The following LRP12 variants were observed in gnomAD, a reference collection of about 807,000 sequenced individuals.
The protein encoded by LRP12 is LDL receptor related protein 12, also known as low-density lipoprotein receptor-related protein 12.
A neutral mutation model predicts 66.0 loss-of-function variants in LRP12; 14 were observed. The ratio of observed to expected loss-of-function variants is 0.21; its 90% CI spans 0.14 to 0.33. The LOEUF is 0.33. LRP12 is among the 10% of genes least tolerant of loss of function. The pLI is 1.00. For synonymous variants in LRP12, 357 were observed against 359.1 expected (o/e 0.99, Z 0.07); for missense variants, 889 against 1,053.4 (o/e 0.84, Z 2.16).
intron 2 of LRP12, among the ~76,000 whole-genome samples, chr8:104,520,773 A>G (rs1811135593): frequency 6.6e-6 from 1 of 152,106 alleles, no homozygotes; most frequent in South Asian, 2.1e-4. Flanking sequence ...TTTGCACAAC[A>G]GTTTCACAGT....
chr8:104,558,383 T>C (rs528525545), intron 1 of LRP12, among the ~76,000 whole-genome samples: 76 of 152,288 alleles, frequency 5.0e-4, no homozygotes, highest in Admixed American at 1.8e-3. Flanking sequence ...CAAATGATGC[T>C]GGGATAATTG....
At chr8:104,548,277 T>C (rs1345903548) in intron 1 of LRP12, among the ~76,000 whole-genome samples, 5 of 90,848 alleles carry the variant, frequency 5.5e-5, no homozygotes, top group Non-Finnish European at 1.8e-5. Context: ...ATATATATTA[T>C]ATTAATATAT....
At chr8:104,495,934 A>C (rs1346792302) in intron 5 of LRP12, 3 of 145,284 alleles carry the variant, frequency 2.1e-5, no homozygotes, top group Admixed American at 6.9e-5. Flanking sequence ...ACAAACAACA[A>C]AAAAAAAAAA....
intron 1 of LRP12, among the ~76,000 whole-genome samples, chr8:104,588,545 G>A (rs1406745175): frequency 6.6e-6 from 1 of 152,140 alleles, no homozygotes; most frequent in African/African-American, 2.4e-5. Context: ...AGGTCGGGAA[G>A]TCCGCCCGCC....
chr8:104,531,783 T>A lies in LRP12; in HGVS notation c.136+124A>T, dbSNP rs910345658. 6.0e-6 allele frequency: 4 copies of A among 667,570 alleles called. No individual in the cohort carries two copies. The African/African-American group carries it at 7.5e-5, about 13-fold the overall frequency. The allele number at this position is 667,570 out of a possible 1,614,324, so 41.4% of individuals were successfully genotyped here. ...ATGTTCCAGTTACTTCATTCCTTAT[T>A]ACATGCTGCAAAAAGCAGTAATAAT... On this transcript the variant is annotated intron_variant, in intron 2 of 6. Transcript: ENST00000276654.
Position 104,497,392 on chromosome 8 carries a change from C to T in LRP12, c.1160G>A (p.Gly387Glu), listed in dbSNP as rs755408347. ...ACAACGCTGCTGCTCAGTATAACAC[C>T]CCCAGTTACCTCCACAGGGTATTTC... The part of the protein sequence containing the change: ...PWEIPCGGNW[G>E]CYTEQQRCDG... Residue 387 changes from glycine (G) to glutamate (E), a missense_variant, in exon 5 of 7, where the codon GGG (glycine) becomes GAG (glutamate). Around this residue, in one of 3 missense-constraint regions of LRP12, gnomAD observed 800 missense variants for 964.5 expected, o/e 0.83. Transcript: ENST00000276654. This position sits in a 1 kb window ranked among gnomAD's most constrained non-coding sequence, Gnocchi z 4.3. The T allele has an allele frequency of 1.9e-6, 3 of 1,613,896 alleles. No homozygotes were observed. Among genetic ancestry groups the T allele is most frequent in the East Asian group, 2.2e-5 (1 of 44,876 alleles).
chr8:104,520,895 G>A (rs988761574), intron 2 of LRP12, among the ~76,000 whole-genome samples: 1 of 151,974 alleles, frequency 6.6e-6, no homozygotes, highest in African/African-American at 2.4e-5. Context: ...TCAAATGCTT[G>A]AACAGAGCTT....
chr8:104,536,288 C>A (rs1269966791), intron 1 of LRP12, among the ~76,000 whole-genome samples: 2 of 152,032 alleles, frequency 1.3e-5, no homozygotes, highest in Non-Finnish European at 2.9e-5. Flanking sequence ...AACATTATTT[C>A]TTTAGGGAGG....
At position 104,583,085 on chromosome 8, in the gene LRP12, C is replaced by T. The variant is rs546303379; in HGVS notation, c.79+5734G>A. 1.2e-4 allele frequency among the ~76,000 whole-genome samples: 19 copies of T among 152,236 alleles called. No individual in the cohort carries two copies. The South Asian group carries it at 2.5e-3, about 20-fold the overall frequency. Reference sequence around the variant, plus strand: ...CTACCTTGGTCCAAGCTCCTGTTATCTCTCACCTGGATTACAGCCAAAATC... The same window carrying T: ...CTACCTTGGTCCAAGCTCCTGTTATTTCTCACCTGGATTACAGCCAAAATC... On this transcript the variant is annotated intron_variant, in intron 1 of 6. Transcript: ENST00000276654.
chr8:104,490,649 C>T lies in LRP12; in HGVS notation c.*24G>A. The stretch of plus-strand genomic sequence containing the variant: ...AATGGATATTGCTCCAACTTGTATA[C>T]AATCTCCCTTATGTGATTCGTACCT... On this transcript the variant is annotated 3_prime_UTR_variant, in exon 7 of 7. Coordinates refer to ENST00000276654, the MANE Select transcript of LRP12 (RefSeq NM_013437.5). 6.4e-7 allele frequency: 1 copy of T among 1,563,350 alleles called. No individual in the cohort carries two copies. Among genetic ancestry groups the T allele is most frequent in the Non-Finnish European group, 8.6e-7 (1 of 1,157,174 alleles).
At chr8:104,547,767 ATAT>A (rs199809098) in intron 1 of LRP12, among the ~76,000 whole-genome samples, 3,693 of 128,862 alleles carry the variant, frequency 0.029, 143 homozygotes, top group African/African-American at 0.082. Context: ...ATATAATTCT[ATAT>A]TATATTTTGT....
At chr8:104,548,657 A>T in intron 1 of LRP12, among the ~76,000 whole-genome samples, 1 of 131,870 alleles carries the variant, frequency 7.6e-6, no homozygotes, top group Non-Finnish European at 1.6e-5. Context: ...TTATATAATT[A>T]TTATATAATT....
At position 104,490,730 on chromosome 8, in the gene LRP12, G is replaced by C; in HGVS notation, c.2523C>G (p.Cys841Trp). 1 of 1,613,964 alleles carries C rather than the reference G, an allele frequency of 6.2e-7. No individual in the cohort carries two copies. The highest frequency in any genetic ancestry group is 8.5e-7 in the Non-Finnish European group (1 of 1,179,982). ...IVHTAQIPDT[C>W]LEVTLKNETS... ...TTTCGTTTTTCAGTGTTACTTCTAA[G>C]CAAGTGTCTGGTATCTGGGCAGTGT... The change falls in exon 7 of 7, where the codon TGC (cysteine) becomes TGG (tryptophan). Residue 841 changes from cysteine to tryptophan, a missense_variant. This residue lies in a region of LRP12 where 800 missense variants were observed against 964.5 expected (regional missense o/e 0.83). Coordinates refer to ENST00000276654, the MANE Select transcript of LRP12 (RefSeq NM_013437.5).
intron 6 of LRP12, among the ~76,000 whole-genome samples, chr8:104,494,066 A>C (rs1487049984): frequency 6.6e-6 from 1 of 152,172 alleles, no homozygotes. Flanking sequence ...TCTTGTGTGT[A>C]CCGTGTTCTC....
intron 2 of LRP12, among the ~76,000 whole-genome samples, chr8:104,512,172 C>G (rs925322875): frequency 2.0e-5 from 3 of 152,104 alleles, no homozygotes; most frequent in Non-Finnish European, 4.4e-5. Flanking sequence ...CAGAAATTAG[C>G]TGGGTGTGGT....
Position 104,497,944 on chromosome 8 carries a change from T to G in LRP12, c.608A>C (p.Glu203Ala), listed in dbSNP as rs759019123. 1.9e-6 allele frequency: 3 copies of G among 1,614,134 alleles called. No individual in the cohort carries two copies. The highest frequency in any genetic ancestry group is 4.5e-5 in the East Asian group (2 of 44,868). ...AGCAGCAGCAGTTGGAGGATTTGCTTCTTTGGCACAGATCTCTTCATCGGA... is the reference window on the plus strand; with the variant it reads ...AGCAGCAGCAGTTGGAGGATTTGCTGCTTTGGCACAGATCTCTTCATCGGA... The part of the protein sequence containing the change: ...DSSDEEICAK[E>A]ANPPTAAAFQ... Residue 203 changes from glutamate to alanine, a missense_variant, in exon 5 of 7, where the codon GAA (glutamate) becomes GCA (alanine). By Grantham distance (107) the Glu-to-Ala change is moderately radical (BLOSUM62 -1). Coordinates refer to ENST00000276654, the MANE Select transcript of LRP12 (RefSeq NM_013437.5). The surrounding 1 kb of genome is among the most constrained non-coding windows in gnomAD (Gnocchi z 4.3).
At chr8:104,547,473 TG>T (rs1811596278) in intron 1 of LRP12, among the ~76,000 whole-genome samples, 1 of 134,862 alleles carries the variant, frequency 7.4e-6, no homozygotes, top group Non-Finnish European at 1.5e-5. Context: ...TGTTATATTT[TG>T]TATACAATAT....
At position 104,497,544 on chromosome 8, in the gene LRP12, A is replaced by T. The variant is rs761722705; in HGVS notation, c.1008T>A (p.Asp336Glu). 5 of 1,613,818 alleles carry T rather than the reference A, an allele frequency of 3.1e-6. No homozygotes were observed. The highest frequency in any genetic ancestry group is 4.2e-6 in the Non-Finnish European group (5 of 1,179,928). ...HKLLRVLTAF[D>E]SHAPLTVVSS... is the part of the protein sequence containing the mutation. ...AAACAACTGTAAGAGGTGCATGAGA[A>T]TCAAAAGCTGTCAACACACGCAAAA... The change falls in exon 5 of 7, where the codon GAT (aspartate) becomes GAA (glutamate). Residue 336 changes from aspartate to glutamate, a missense_variant. Transcript: ENST00000276654. This position sits in a 1 kb window ranked among gnomAD's most constrained non-coding sequence, Gnocchi z 4.3.
intron 1 of LRP12, among the ~76,000 whole-genome samples, chr8:104,584,487 T>C (rs1446056401): frequency 6.6e-6 from 1 of 152,070 alleles, no homozygotes; most frequent in Non-Finnish European, 1.5e-5. Context: ...CAAAAGTAAA[T>C]CTCAACATTT....
Sources: allele counts gnomAD v4.1 joint callset (sites outside exome capture counted in the v4.1 genomes callset), GRCh38; gene constraint gnomAD v4.1.1; regional missense constraint gnomAD v4.1.1; non-coding constraint Gnocchi (gnomAD v3.1); transcripts MANE v1.5; gene names NCBI Gene and HGNC (gene_info 2026-07-23, HGNC 2026-07-21).